Variants in LRP1B observed in about 807,000 individuals in gnomAD.
LRP1B encodes low-density lipoprotein receptor-related protein 1B.
A neutral mutation model predicts 556.6 loss-of-function variants in LRP1B; 217 were observed. The ratio of observed to expected loss-of-function variants is 0.39; its 90% CI spans 0.35 to 0.44. The LOEUF is 0.44. Among genes scored for constraint, LRP1B ranks in the 20% least tolerant of loss-of-function variants. The probability of loss-of-function intolerance (pLI) is 1.00; values close to 1 mark genes in which losing one functional copy is unlikely to be tolerated. For synonymous variants in LRP1B, 2,047 were observed against 1,865.8 expected, an observed-to-expected ratio of 1.10 and a Z score of -2.50; for missense variants, 5,053 against 5,620.8, an observed-to-expected ratio of 0.90 and a Z score of 3.23.
intron 6 of LRP1B, among the ~76,000 whole-genome samples, chr2:141,211,105 A>G (rs1682522259): frequency 6.6e-6 from 1 of 151,982 alleles, no homozygotes; most frequent in South Asian, 2.1e-4. Context: ...CTCCTGCTAC[A>G]GCTTCCCGAG....
At chr2:141,348,829 A>G (rs1688344882) in intron 3 of LRP1B, among the ~76,000 whole-genome samples, 1 of 152,050 alleles carries the variant, frequency 6.6e-6, no homozygotes, top group African/African-American at 2.4e-5. Flanking sequence ...GAAGTAAATG[A>G]ATCATGGGGG....
chr2:141,569,842 C>T (rs569134142), intron 2 of LRP1B, among the ~76,000 whole-genome samples: 1 of 151,242 alleles, frequency 6.6e-6, no homozygotes, highest in African/African-American at 2.4e-5. Context: ...GATGAAGGCA[C>T]ATCTAAGAAA....
At chr2:141,259,670 A>T (rs1189040079) in intron 3 of LRP1B, among the ~76,000 whole-genome samples, 1 of 152,152 alleles carries the variant, frequency 6.6e-6, no homozygotes, top group Non-Finnish European at 1.5e-5. Context: ...TATCAGCGAA[A>T]AATTGGATTA....
At chr2:141,591,456 T>C (rs962238061) in intron 2 of LRP1B, among the ~76,000 whole-genome samples, 1 of 151,198 alleles carries the variant, frequency 6.6e-6, no homozygotes, top group East Asian at 1.9e-4. Flanking sequence ...AAAGCTAATA[T>C]GTGTTTGTGT....
chr2:141,315,882 CTTTTTTTTTTTTTTTTTTTT>C (rs70991157), intron 3 of LRP1B, among the ~76,000 whole-genome samples: 19 of 18,144 alleles, frequency 1.0e-3, no homozygotes, highest in Non-Finnish European at 1.6e-3. Flanking sequence ...TTAGTCTGGT[CTTTTTTTTTTTTTTTTTTTT>C]TTTTTTTTTT....
chr2:141,544,308 T>TTCTTCTTCC (rs1685397260), intron 2 of LRP1B, among the ~76,000 whole-genome samples: 9 of 9,710 alleles, frequency 9.3e-4, no homozygotes, highest in African/African-American at 5.1e-3. Context: ...CTTCTTCTTC[T>TTCTTCTTCC]TCTTCTTCTT....
intron 1 of LRP1B, among the ~76,000 whole-genome samples, chr2:141,888,867 G>A (rs953517861): frequency 2.6e-5 from 4 of 152,124 alleles, no homozygotes; most frequent in Non-Finnish European, 5.9e-5. Flanking sequence ...TTCCACTTTC[G>A]TATATTGTAT....
intron 41 of LRP1B, among the ~76,000 whole-genome samples, chr2:140,661,523 G>T (rs1039028367): frequency 6.4e-5 from 9 of 141,646 alleles, no homozygotes; most frequent in Admixed American, 5.8e-4. Context: ...AAAAAAAAAC[G>T]CAGTGTGGTG....
chr2:142,014,331 C>A (rs1490252173), intron 1 of LRP1B, among the ~76,000 whole-genome samples: 1 of 152,180 alleles, frequency 6.6e-6, no homozygotes, highest in East Asian at 1.9e-4. Context: ...AATCTGTTTG[C>A]ATTTTTTATG....
intron 2 of LRP1B, among the ~76,000 whole-genome samples, chr2:141,575,828 G>T (rs1208606739): frequency 6.6e-6 from 1 of 151,300 alleles, no homozygotes; most frequent in Non-Finnish European, 1.5e-5. Context: ...ATATTTATGT[G>T]GGCAACATGT....
At chr2:141,439,180 C>T (rs2104999491) in intron 3 of LRP1B, among the ~76,000 whole-genome samples, 1 of 152,244 alleles carries the variant, frequency 6.6e-6, no homozygotes, top group Middle Eastern at 3.4e-3. Context: ...CCTACATCAG[C>T]TTCCCTATAT....
chr2:140,925,296 C>T (rs1186345360), intron 20 of LRP1B, among the ~76,000 whole-genome samples: 1 of 152,072 alleles, frequency 6.6e-6, no homozygotes, highest in Admixed American at 6.6e-5. Flanking sequence ...ATTGTGAAGT[C>T]TTTAAGCCTA....
At chr2:141,394,725 C>T (rs953687297) in intron 3 of LRP1B, among the ~76,000 whole-genome samples, 24 of 151,882 alleles carry the variant, frequency 1.6e-4, no homozygotes, top group Admixed American at 1.2e-3. Flanking sequence ...AAATTTTGAA[C>T]TTTAAAAATA....
At chr2:140,364,278 T>C (rs762446204) in intron 72 of LRP1B, among the ~76,000 whole-genome samples, 44 of 151,652 alleles carry the variant, frequency 2.9e-4, no homozygotes, top group Non-Finnish European at 5.5e-4. Flanking sequence ...GAGATTTTAT[T>C]ATTTATATAT....
intron 28 of LRP1B, among the ~76,000 whole-genome samples, chr2:140,850,744 T>C (rs1692432837): frequency 6.6e-6 from 1 of 152,192 alleles, no homozygotes; most frequent in Admixed American, 6.5e-5. Context: ...TAAGATAAAA[T>C]TAAACACGCT....
chr2:141,345,966 A>T (rs1251681481), intron 3 of LRP1B, among the ~76,000 whole-genome samples: 2 of 151,886 alleles, frequency 1.3e-5, no homozygotes, highest in East Asian at 3.9e-4. Flanking sequence ...CAGTTTGAAT[A>T]TTTTAGTTAT....
intron 35 of LRP1B, among the ~76,000 whole-genome samples, chr2:140,730,704 C>T (rs1687748159): frequency 6.6e-6 from 1 of 152,032 alleles, no homozygotes; most frequent in Non-Finnish European, 1.5e-5. Flanking sequence ...GGATTACAGG[C>T]ACCCGCCACA....
rs2104952674 is a variant in LRP1B at position 140,274,579 on chromosome 2, A to T, written c.12987T>A (p.Cys4329Ter). 6.2e-7 allele frequency: 1 copy of T among 1,611,866 alleles called. No individual in the cohort carries two copies. Residue 4329 changes from cysteine (C) to a stop codon, truncating the protein, a stop_gained, in exon 85 of 91, where the codon TGT (cysteine) becomes TGA (stop). Transcript: ENST00000389484. LOFTEE classifies it high-confidence loss of function. ...CAATGGTACATGATTCAGAATTCAC[A>T]CAATAGTGGTGGCACACGTCTAGGA... ...RCQYYVCHHYCVNSESCTIGD... is the reference protein window; with the variant it reads ...RCQYYVCHHY
At chr2:140,288,901 G>T (rs1234023044) in intron 84 of LRP1B, among the ~76,000 whole-genome samples, 2 of 151,794 alleles carry the variant, frequency 1.3e-5, no homozygotes, top group Non-Finnish European at 2.9e-5. Flanking sequence ...ATTGTAAAAA[G>T]AAGGGTCAAA....
Sources: gnomAD v4.1 joint callset for allele counts (sites outside exome capture counted in the v4.1 genomes callset) on GRCh38, gnomAD v4.1.1 for gene constraint, MANE v1.5 for transcripts, NCBI Gene and HGNC (gene_info 2026-07-23, HGNC 2026-07-21) for gene names.